The following CNTNAP3 variants were observed in gnomAD, a reference collection of about 807,000 sequenced individuals.
CNTNAP3 encodes contactin associated protein family member 3, also known as contactin-associated protein-like 3.
A neutral mutation model predicts 92.1 loss-of-function variants in CNTNAP3; 36 were observed. That is an observed-to-expected ratio of 0.39 (90% CI 0.30 to 0.52). The LOEUF (loss-of-function observed/expected upper bound fraction) is 0.52, where lower values mean the gene tolerates loss of function less well. Ranked by LOEUF, CNTNAP3 falls within the 20% of genes least tolerant of loss-of-function variation. The pLI, the probability that CNTNAP3 is intolerant of heterozygous loss-of-function variation, is 0.76. For synonymous variants in CNTNAP3, 232 were observed against 422.3 expected (o/e 0.55, Z 5.53); for missense variants, 534 against 1,069.6 (o/e 0.50, Z 6.98).
intron 9 of CNTNAP3, 41 bp from the exon 10 acceptor site, chr9:39,150,018 G>A (rs1371715941): frequency 2.3e-5 from 36 of 1,599,300 alleles, no homozygotes; most frequent in Non-Finnish European, 3.1e-5. Flanking sequence ...CAACAACTAT[G>A]ACAAAACTAT....
rs772812012 is a variant in CNTNAP3, at chr9:39,085,754, T to A, written c.3424A>T (p.Ile1142Leu). ...GTEFNAVKSL[I>L]LGKVLEAAGA... ...TACTTACCTAAAACCTTTCCCAATA[T>A]GAGAGATTTGACGGCGTTGAATTCT... The change falls in exon 21 of 24, where the codon ATA becomes TTA. Residue 1142 changes from isoleucine (I) to leucine (L), a missense_variant. Coordinates refer to ENST00000297668, the MANE Select transcript of CNTNAP3 (RefSeq NM_033655.5). 6.4e-7 allele frequency: 1 copy of A among 1,556,582 alleles called. No individual in the cohort carries two copies. The highest frequency in any genetic ancestry group is 8.8e-7 in the Non-Finnish European group (1 of 1,142,514).
At chr9:39,121,487 T>G (rs1821017337) in intron 13 of CNTNAP3, among the ~76,000 whole-genome samples, 1 of 152,080 alleles carries the variant, frequency 6.6e-6, no homozygotes, top group African/African-American at 2.4e-5. Flanking sequence ...TAACTAAAAA[T>G]AAACAGTTCT....
chr9:39,115,594 A>G (rs1215770656), intron 14 of CNTNAP3, among the ~76,000 whole-genome samples: 1 of 150,382 alleles, frequency 6.6e-6, no homozygotes, highest in Non-Finnish European at 1.5e-5. Context: ...TGGAAGCTGC[A>G]AAGTAAATAA....
chr9:39,098,721 C>A (rs1308797410), intron 18 of CNTNAP3, among the ~76,000 whole-genome samples: 2 of 151,994 alleles, frequency 1.3e-5, no homozygotes, highest in Admixed American at 6.6e-5. Flanking sequence ...ACATGCAAGA[C>A]CTTTTGAAAA....
At chr9:39,104,520 A>ACT (rs1564074027) in intron 15 of CNTNAP3, among the ~76,000 whole-genome samples, 1 of 145,872 alleles carries the variant, frequency 6.9e-6, no homozygotes, top group African/African-American at 2.6e-5. Flanking sequence ...ACACACACAC[A>ACT]CTGTCTTAAT....
At chr9:39,076,721 C>T (rs1305653523) in intron 23 of CNTNAP3, among the ~76,000 whole-genome samples, 1 of 152,304 alleles carries the variant, frequency 6.6e-6, no homozygotes, top group Admixed American at 6.5e-5. Flanking sequence ...GTAATCCTAG[C>T]ACTTTGGGAG....
chr9:39,067,629 C>T lies in CNTNAP3; in HGVS notation c.*6261G>A, dbSNP rs1033480103. Among the ~76,000 whole-genome samples, 2 of 152,288 alleles carry T rather than the reference C, an allele frequency of 1.3e-5. No individual in the cohort carries two copies. The highest frequency in any genetic ancestry group is 2.4e-5 in the African/African-American group (1 of 41,472). ...AGCAGGATGGTCTCCATCTCCCGAC[C>T]TCGTGATCTGCCTGCCTCGACCTCC... On this transcript the variant is annotated 3_prime_UTR_variant, in exon 24 of 24. Coordinates refer to ENST00000297668, the MANE Select transcript of CNTNAP3 (RefSeq NM_033655.5).
Position 39,287,174 on chromosome 9 carries a change from G to C in CNTNAP3, c.85+806C>G, listed in dbSNP as rs1350330883. On this transcript the variant is annotated intron_variant, in intron 1 of 23. Coordinates refer to ENST00000297668, the MANE Select transcript of CNTNAP3 (RefSeq NM_033655.5). ...CATTTTTATGTGTGATAAAATATGG[G>C]TACATTATGTTTTGCTCATCTGTCT... 3.6e-5 allele frequency among the ~76,000 whole-genome samples: 2 copies of C among 56,068 alleles called. 1 individual carries two copies. Among genetic ancestry groups the C allele is most frequent in the Non-Finnish European group, 1.1e-4 (2 of 18,944 alleles). 36.8% of individuals were successfully genotyped at this position (56,068 alleles called of 152,430 possible).
chr9:39,066,309 C>T lies in CNTNAP3; in HGVS notation c.*7581G>A, dbSNP rs2118320789. ...TAGGTTATTGTTGTCATATATTTTA[C>T]TTTTACTCATGCTGCAGAACTCACA... is the stretch of plus-strand genomic sequence containing the variant. On this transcript the variant is annotated 3_prime_UTR_variant, in exon 24 of 24. Coordinates refer to ENST00000297668, the MANE Select transcript of CNTNAP3 (RefSeq NM_033655.5). Among the ~76,000 whole-genome samples the T allele has an allele frequency of 6.6e-6, 1 of 152,290 alleles. No homozygotes were observed. The highest frequency in any genetic ancestry group is 1.5e-5 in the Non-Finnish European group (1 of 68,024).
intron 18 of CNTNAP3, among the ~76,000 whole-genome samples, chr9:39,091,082 A>G (rs1826184878): frequency 6.6e-6 from 1 of 151,876 alleles, no homozygotes; most frequent in Non-Finnish European, 1.5e-5. Flanking sequence ...TTCTAAGTAG[A>G]TTCTTTGGGA....
chr9:39,142,281 A>G (rs1821594407), intron 11 of CNTNAP3, among the ~76,000 whole-genome samples: 1 of 152,152 alleles, frequency 6.6e-6, no homozygotes, highest in Non-Finnish European at 1.5e-5. Context: ...TGGAGGATGA[A>G]AGATACACAG....
At chr9:39,095,864 T>C (rs1826313237) in intron 18 of CNTNAP3, among the ~76,000 whole-genome samples, 1 of 151,366 alleles carries the variant, frequency 6.6e-6, no homozygotes, top group East Asian at 1.9e-4. Flanking sequence ...TTTGGAACTA[T>C]TTTTATGCAT....
chr9:39,123,164 G>A (rs564258635), intron 13 of CNTNAP3, among the ~76,000 whole-genome samples: 97 of 146,516 alleles, frequency 6.6e-4, no homozygotes, highest in African/African-American at 2.2e-3. Flanking sequence ...GTGCAATCTC[G>A]GCTCACTGCA....
intron 13 of CNTNAP3, among the ~76,000 whole-genome samples, chr9:39,127,967 T>G (rs960779166): frequency 6.6e-6 from 1 of 152,036 alleles, no homozygotes; most frequent in Non-Finnish European, 1.5e-5. Context: ...GCCTCCTGAG[T>G]AGCTGGGATT....
At chr9:39,131,021 G>A (rs1821280587) in intron 13 of CNTNAP3, among the ~76,000 whole-genome samples, 2 of 151,810 alleles carry the variant, frequency 1.3e-5, no homozygotes, top group Non-Finnish European at 1.5e-5. Flanking sequence ...CAAAAGAGGA[G>A]AAATAGGGAA....
chr9:39,133,347 A>G (rs1293849685), intron 12 of CNTNAP3, among the ~76,000 whole-genome samples: 2 of 152,132 alleles, frequency 1.3e-5, no homozygotes, highest in African/African-American at 4.8e-5. Flanking sequence ...CTGATGACCA[A>G]ACTTTTGTGA....
At chr9:39,119,355 C>CAAAAAAAAAA (rs35344011) in intron 13 of CNTNAP3, among the ~76,000 whole-genome samples, 7 of 101,266 alleles carry the variant, frequency 6.9e-5, no homozygotes, top group African/African-American at 1.8e-4. Context: ...GCCCCTCTGC[C>CAAAAAAAAAA]AAAAAAAAAA....
In CNTNAP3 at chr9:39,110,087, C is replaced by T. The variant is rs574816693; in HGVS notation, c.2238-800G>A. Among the ~76,000 whole-genome samples the T allele has an allele frequency of 2.4e-3, 367 of 152,254 alleles. 2 individuals are homozygous for T. The highest frequency in any genetic ancestry group is 8.5e-3 in the African/African-American group (354 of 41,538). Reference sequence around the variant, plus strand: ...TGTGAAAGTGGTCTGTGAAACACTGCTCCCAGTAGTTCAGGCAACAAACAC... The same window carrying T: ...TGTGAAAGTGGTCTGTGAAACACTGTTCCCAGTAGTTCAGGCAACAAACAC... On this transcript the variant is annotated intron_variant, in intron 14 of 23. Transcript: ENST00000297668.
rs148793667 is a variant in CNTNAP3, at chr9:39,110,999, T to C, written c.2238-1712A>G. On this transcript the variant is annotated intron_variant, in intron 14 of 23. Transcript: ENST00000297668. ...GATCACAATAATTGATATTTCATCA[T>C]TGCAACACTTTTGTATTTTCAAAAT... is the stretch of plus-strand genomic sequence containing the variant. Among the ~76,000 whole-genome samples, 721 of 152,258 alleles carry C rather than the reference T, an allele frequency of 4.7e-3. 5 individuals carry two copies. The highest frequency in any genetic ancestry group is 0.016 in the African/African-American group (682 of 41,550).
Sources: allele counts gnomAD v4.1 joint callset (sites outside exome capture counted in the v4.1 genomes callset), GRCh38; gene constraint gnomAD v4.1.1; transcripts MANE v1.5; gene names NCBI Gene and HGNC (gene_info 2026-07-23, HGNC 2026-07-21).